MCU: variants seen among roughly 807,000 people sequenced by gnomAD.
MCU encodes calcium uniporter protein, mitochondrial.
In MCU, 12 loss-of-function variants were observed where a neutral mutation model predicts 45.2. That is an observed-to-expected ratio of 0.27 (90% CI 0.17 to 0.43). MCU has a LOEUF of 0.43. Ranked by LOEUF, MCU falls within the 20% of genes least tolerant of loss-of-function variation. The pLI is 1.00. For synonymous variants in MCU, 160 were observed against 165.1 expected, an observed-to-expected ratio of 0.97 and a Z score of 0.24; for missense variants, 324 against 436.7, an observed-to-expected ratio of 0.74 and a Z score of 2.30.
chr10:72,749,728 A>T (rs2132707750), intron 1 of MCU, among the ~76,000 whole-genome samples: 1 of 152,254 alleles, frequency 6.6e-6, no homozygotes, highest in South Asian at 2.1e-4. Context: ...ATTGGGACAT[A>T]TGGTCACCCT....
At chr10:72,884,686 G>A (rs1440107887) in intron 7 of MCU, among the ~76,000 whole-genome samples, 3 of 131,284 alleles carry the variant, frequency 2.3e-5, no homozygotes, top group Non-Finnish European at 5.0e-5. Flanking sequence ...GTAGTTGTCT[G>A]TTTCTACTTT....
At chr10:72,819,727 C>CTTTTTTTT (rs71021538) in intron 1 of MCU, among the ~76,000 whole-genome samples, 30 of 102,584 alleles carry the variant, frequency 2.9e-4, no homozygotes, top group Non-Finnish European at 4.1e-4. Flanking sequence ...TTTTTCCAGT[C>CTTTTTTTT]TTTTTTTTTT....
At chr10:72,819,575 T>G (rs1221417811) in intron 1 of MCU, among the ~76,000 whole-genome samples, 1 of 152,182 alleles carries the variant, frequency 6.6e-6, no homozygotes, top group Non-Finnish European at 1.5e-5. Flanking sequence ...TAGGCTGTAA[T>G]AACTCATCAA....
chr10:72,721,383 G>A (rs985643060), intron 1 of MCU, among the ~76,000 whole-genome samples: 1 of 152,124 alleles, frequency 6.6e-6, no homozygotes, highest in African/African-American at 2.4e-5. Flanking sequence ...CTGATTCAAA[G>A]TTCTAGAATG....
intron 6 of MCU, among the ~76,000 whole-genome samples, chr10:72,873,212 G>T (rs1475685397): frequency 6.6e-6 from 1 of 151,708 alleles, no homozygotes; most frequent in Non-Finnish European, 1.5e-5. Context: ...TAGAGACGGG[G>T]TTTCACCGTC....
intron 1 of MCU, among the ~76,000 whole-genome samples, chr10:72,751,675 G>A (rs765603103): frequency 6.6e-6 from 1 of 150,930 alleles, no homozygotes; most frequent in African/African-American, 2.4e-5. Flanking sequence ...TCTTAATGAT[G>A]TTGTTGTTGC....
chr10:72,825,182 A>G (rs1844778545), intron 1 of MCU, among the ~76,000 whole-genome samples: 1 of 152,192 alleles, frequency 6.6e-6, no homozygotes, highest in Non-Finnish European at 1.5e-5. Context: ...GTCAGTAGAT[A>G]TTTATAATTC....
intron 1 of MCU, among the ~76,000 whole-genome samples, chr10:72,723,392 G>A (rs2132674871): frequency 6.6e-6 from 1 of 151,828 alleles, no homozygotes; most frequent in South Asian, 2.1e-4. Context: ...TATGATAAAA[G>A]TACTAAATCT....
rs1318051411 is a variant in MCU at position 72,860,418 on chromosome 10, C to T, written c.392-5C>T. The T allele has an allele frequency of 6.2e-7, 1 of 1,611,922 alleles. No individual in the cohort carries two copies. Reference sequence around the variant, plus strand: ...TATGACAAGTTTCATTTGAAATTTTCACAGATGGTGTTCGCGTTGCTGCTT... The same window carrying T: ...TATGACAAGTTTCATTTGAAATTTTTACAGATGGTGTTCGCGTTGCTGCTT... On this transcript the variant is annotated splice_polypyrimidine_tract_variant and splice_region_variant and intron_variant, in intron 3 of 7. Transcript: ENST00000373053.
chr10:72,864,525 C>T lies in MCU; in HGVS notation c.496+3998C>T, dbSNP rs1485778438. On this transcript the variant is annotated intron_variant, in intron 4 of 7. Coordinates refer to ENST00000373053, the MANE Select transcript of MCU (RefSeq NM_138357.3). ...CAGTACAGCACTATAAATTTATTTTCCCTTCTTTATGATTTTAATGTTTTA... is the reference window on the plus strand; with the variant it reads ...CAGTACAGCACTATAAATTTATTTTTCCTTCTTTATGATTTTAATGTTTTA... Among the ~76,000 whole-genome samples, 7 of 152,230 alleles carry T rather than the reference C, an allele frequency of 4.6e-5. No individual in the cohort carries two copies. The South Asian group carries it at 6.2e-4, about 14-fold the overall frequency.
At chr10:72,859,126 A>G (rs1845337123) in intron 2 of MCU, 51 bp from the exon 3 acceptor site, 1 of 1,490,494 alleles carries the variant, frequency 6.7e-7, no homozygotes, top group Non-Finnish European at 9.0e-7. Context: ...ATGTGACTTT[A>G]ACTTACATTG....
chr10:72,761,841 A>G (rs1200628732), intron 1 of MCU, among the ~76,000 whole-genome samples: 4 of 151,324 alleles, frequency 2.6e-5, no homozygotes, highest in East Asian at 3.9e-4. Context: ...TTTATTCCAC[A>G]CTCCCTCCTC....
intron 4 of MCU, among the ~76,000 whole-genome samples, chr10:72,867,736 T>C (rs1845478784): frequency 6.6e-6 from 1 of 151,536 alleles, no homozygotes; most frequent in African/African-American, 2.4e-5. Flanking sequence ...GCGCCTGTAG[T>C]CCCAGCTACT....
At chr10:72,879,885 A>C (rs1845674492) in intron 6 of MCU, among the ~76,000 whole-genome samples, 1 of 152,074 alleles carries the variant, frequency 6.6e-6, no homozygotes, top group Admixed American at 6.6e-5. Context: ...GTCTTTATTA[A>C]AAATATAAAA....
intron 1 of MCU, among the ~76,000 whole-genome samples, chr10:72,727,545 C>T (rs979906664): frequency 6.6e-6 from 1 of 152,152 alleles, no homozygotes; most frequent in Non-Finnish European, 1.5e-5. Context: ...TGTCATCGCC[C>T]TTCATAAAGC....
At chr10:72,841,431 G>A (rs559761552) in intron 2 of MCU, among the ~76,000 whole-genome samples, 3 of 152,124 alleles carry the variant, frequency 2.0e-5, no homozygotes, top group South Asian at 2.1e-4. Flanking sequence ...CCGAGTAGCC[G>A]GGGTTACAGG....
At chr10:72,738,208 A>T (rs770198257) in intron 1 of MCU, among the ~76,000 whole-genome samples, 10 of 152,184 alleles carry the variant, frequency 6.6e-5, no homozygotes, top group Non-Finnish European at 1.3e-4. Flanking sequence ...GGTGAAGGGG[A>T]AGTTGGAGTA....
Position 72,730,254 on chromosome 10 carries a change from C to T in MCU, c.150+37953C>T, listed in dbSNP as rs145262321. On this transcript the variant is annotated intron_variant, in intron 1 of 7. Transcript: ENST00000373053. ...GGGATTACAGGCATGAGCCACCATG[C>T]CCAGCCTTCAACATTCTTTTAAACT... Among the ~76,000 whole-genome samples the T allele has an allele frequency of 3.9e-3, 592 of 151,822 alleles. 4 individuals carry two copies. The highest frequency in any genetic ancestry group is 0.013 in the African/African-American group (551 of 41,464).
At chr10:72,856,936 CAAAAAAA>C (rs71021541) in intron 2 of MCU, among the ~76,000 whole-genome samples, 2 of 79,686 alleles carry the variant, frequency 2.5e-5, no homozygotes, top group Non-Finnish European at 4.9e-5. Flanking sequence ...CAAGATGTCT[CAAAAAAA>C]AAAAAAAAAA....
Sources: allele counts gnomAD v4.1 joint callset (sites outside exome capture counted in the v4.1 genomes callset), GRCh38; gene constraint gnomAD v4.1.1; transcripts MANE v1.5; gene names NCBI Gene and HGNC (gene_info 2026-07-23, HGNC 2026-07-21).